RBBP6: variants seen among roughly 807,000 people sequenced by gnomAD.
The protein encoded by RBBP6 is E3 ubiquitin-protein ligase RBBP6.
In RBBP6, 25 loss-of-function variants were observed where a neutral mutation model predicts 167.7. The observed-to-expected ratio is 0.15, with a 90% confidence interval of 0.11 to 0.21. The LOEUF (loss-of-function observed/expected upper bound fraction) is 0.21. Among genes scored for constraint, RBBP6 ranks in the 10% least tolerant of loss-of-function variants. The probability of loss-of-function intolerance (pLI) is 1.00; values close to 1 mark genes in which losing one functional copy is unlikely to be tolerated. For synonymous variants in RBBP6, 789 were observed against 735.8 expected (o/e 1.07, Z -1.17); for missense variants, 1,868 against 2,134.2 (o/e 0.88, Z 2.46).
rs199826068 is a variant in RBBP6, at chr16:24,567,494, A to C, written c.1941A>C (p.Arg647=). 9 of 1,608,254 alleles carry C rather than the reference A, an allele frequency of 5.6e-6. No homozygotes were observed. The highest frequency in any genetic ancestry group is 7.7e-6 in the Non-Finnish European group (9 of 1,176,144). The part of the protein sequence containing the change: ...SREEFYREQR[R]LKEEEKKKSK... Reference sequence around the variant, plus strand: ...AAGAATTCTATAGAGAGCAGCGACGACTAAAAGAAGAGTATGTATTCTAAT... The same window carrying C: ...AAGAATTCTATAGAGAGCAGCGACGCCTAAAAGAAGAGTATGTATTCTAAT... Residue 647 remains arginine, a synonymous_variant, in exon 15 of 18, where the codon CGA becomes CGC. Transcript: ENST00000319715.
At position 24,571,328 on chromosome 16, in the gene RBBP6, A is replaced by G. The variant is rs778064304; in HGVS notation, c.4262A>G (p.Asn1421Ser). 19 of 1,614,174 alleles carry G rather than the reference A, an allele frequency of 1.2e-5. No individual in the cohort carries two copies. The highest frequency in any genetic ancestry group is 1.6e-5 in the Non-Finnish European group (19 of 1,180,022). The change falls in exon 18 of 18, where the codon AAC becomes AGC. Residue 1421 changes from asparagine to serine, a missense_variant. Physicochemically the swap from Asn to Ser is conservative, Grantham distance 46. This residue lies in a region of RBBP6 where 591 missense variants were observed against 540.5 expected (regional missense o/e 1.09). Transcript: ENST00000319715. ...AAGGAGAACCCTGAAAAGAGGAAGA[A>G]CAGCACTCAGCCAGAGAAAGAGAGT... The part of the protein sequence containing the change: ...LEKENPEKRK[N>S]STQPEKESNL...
In RBBP6 at chr16:24,572,397, G is replaced by T. The variant is rs199567078; in HGVS notation, c.5331G>T (p.Glu1777Asp). ...KKKSKKNKDK[E>D]KEKEKDDQKV... ...AGTCAAAGAAGAACAAAGATAAAGA[G>T]AAGGAGAAGGAGAAAGATGACCAAA... The change falls in exon 18 of 18, where the codon GAG becomes GAT. Residue 1777 changes from glutamate to aspartate, a missense_variant. Physicochemically the swap from Glu to Asp is conservative, Grantham distance 45 (BLOSUM62 2). Coordinates refer to ENST00000319715, the MANE Select transcript of RBBP6 (RefSeq NM_006910.5). The T allele has an allele frequency of 7.6e-7, 1 of 1,322,822 alleles. No individual in the cohort carries two copies. Among genetic ancestry groups the T allele is most frequent in the Non-Finnish European group, 1.0e-6 (1 of 956,922 alleles). 81.9% of individuals were successfully genotyped at this position (1,322,822 alleles called of 1,614,324 possible). A position where few individuals can be genotyped will look rare whatever the true frequency, so the allele number is the denominator to read the frequency against.
rs1226682314 is a variant in RBBP6 at position 24,546,057 on chromosome 16, T to C, written c.167-106T>C. ...CTAGTTGCAAGGAACTTGTAGTTATTATATTTAAAGTCATTTCCCATGAAA... is the reference window on the plus strand; with the variant it reads ...CTAGTTGCAAGGAACTTGTAGTTATCATATTTAAAGTCATTTCCCATGAAA... On this transcript the variant is annotated intron_variant, in intron 1 of 17. Coordinates refer to ENST00000319715, the MANE Select transcript of RBBP6 (RefSeq NM_006910.5). 1.2e-5 allele frequency: 17 copies of C among 1,424,364 alleles called. No homozygotes were observed. In the Admixed American group the frequency reaches 5.6e-4, roughly 47 times the overall value. The allele number at this position is 1,424,364 out of a possible 1,614,324, so 88.2% of individuals were successfully genotyped here.
chr16:24,550,374 T>G (rs1463026931), intron 3 of RBBP6, among the ~76,000 whole-genome samples: 4 of 150,678 alleles, frequency 2.7e-5, no homozygotes, highest in African/African-American at 9.7e-5. Flanking sequence ...TTTTTTTGTT[T>G]TTTTTTTTTA....
intron 3 of RBBP6, chr16:24,553,221 A>G: frequency 3.4e-6 from 1 of 296,674 alleles, no homozygotes; most frequent in South Asian, 6.6e-5. Context: ...CCATAGGGAG[A>G]TATGGGACTC....
intron 5 of RBBP6, 31 bp from the exon 6 acceptor site, chr16:24,555,790 G>A (rs775884329): frequency 6.3e-6 from 10 of 1,583,398 alleles, no homozygotes; most frequent in South Asian, 3.3e-5. Flanking sequence ...CAAAGTCCTC[G>A]TATACATGTA....
chr16:24,563,370 CTT>C (rs550471421), intron 11 of RBBP6, 51 bp from the exon 12 acceptor site: 41,785 of 1,262,488 alleles, frequency 0.033, 1 homozygote, highest in South Asian at 0.047. Context: ...GTTCTTACCT[CTT>C]TTTTTTTTTT....
rs1394906251 is a variant in RBBP6, at chr16:24,569,054, A to G, written c.2364A>G (p.Gln788=). The stretch of plus-strand genomic sequence containing the variant: ...CTCCTAATAAACGTAATGTACCTCA[A>G]GGGGAAACAGAACGTGAATATTTTA... The part of the protein sequence containing the change: ...GQSPNKRNVP[Q]GETEREYFNR... Residue 788 remains glutamine (Q), a synonymous_variant, in exon 17 of 18, where the codon CAA becomes CAG. Transcript: ENST00000319715. The G allele has an allele frequency of 6.2e-7, 1 of 1,614,064 alleles. No homozygotes were observed. The highest frequency in any genetic ancestry group is 8.5e-7 in the Non-Finnish European group (1 of 1,180,018).
In RBBP6 at chr16:24,563,240, C is replaced by T. The variant is rs759911648; in HGVS notation, c.1331C>T (p.Ser444Leu). The T allele has an allele frequency of 5.6e-6, 9 of 1,611,176 alleles. No homozygotes were observed. In the African/African-American group the frequency reaches 1.2e-4, roughly 22 times the overall value. The part of the protein sequence containing the change: ...NKILPAAALA[S>L]EHSKGTSSIA... ...ATATTGCCAGCTGCAGCTCTTGCAT[C>T]AGAGCACTCAAAGGGAACCTCCTCA... Residue 444 changes from serine to leucine, a missense_variant, in exon 11 of 18, where the codon TCA becomes TTA. Ser to Leu is a moderately radical substitution (Grantham distance 145). Around this residue, in one of 7 missense-constraint regions of RBBP6, gnomAD observed 245 missense variants for 240.1 expected, o/e 1.02. Transcript: ENST00000319715.
chr16:24,567,195 C>G lies in RBBP6; in HGVS notation c.1642C>G (p.Pro548Ala). Reference sequence around the variant, plus strand: ...CGAAAGATCACAGAGGACTCAAGGCCCGTCACTACCAGCAACTCCAGTCTT... The same window carrying G: ...CGAAAGATCACAGAGGACTCAAGGCGCGTCACTACCAGCAACTCCAGTCTT... ...HSERSQRTQG[P>A]SLPATPVFVP... The change falls in exon 15 of 18, where the codon CCG becomes GCG. Residue 548 changes from proline to alanine, a missense_variant. Coordinates refer to ENST00000319715, the MANE Select transcript of RBBP6 (RefSeq NM_006910.5). 6.2e-7 allele frequency: 1 copy of G among 1,613,906 alleles called. No homozygotes were observed. Among genetic ancestry groups the G allele is most frequent in the Non-Finnish European group, 8.5e-7 (1 of 1,179,776 alleles).
intron 17 of RBBP6, 103 bp from the exon 18 acceptor site, chr16:24,570,773 T>TA: frequency 9.5e-7 from 1 of 1,049,758 alleles, no homozygotes; most frequent in Non-Finnish European, 1.3e-6. Context: ...TTTTTAATGT[T>TA]AAAAGGACAT....
chr16:24,562,957 C>T (rs906984808), intron 10 of RBBP6, among the ~76,000 whole-genome samples: 4 of 152,126 alleles, frequency 2.6e-5, no homozygotes, highest in African/African-American at 9.6e-5. Flanking sequence ...ACTATTCTTG[C>T]AACTGATTTC....
At chr16:24,565,227 T>C (rs1190979812) in intron 14 of RBBP6, among the ~76,000 whole-genome samples, 1 of 152,132 alleles carries the variant, frequency 6.6e-6, no homozygotes, top group Admixed American at 6.6e-5. Context: ...CAAGCTCAGC[T>C]CCCAACTGTG....
chr16:24,541,952 A>G (rs1327544844), intron 1 of RBBP6, among the ~76,000 whole-genome samples: 2 of 152,210 alleles, frequency 1.3e-5, no homozygotes, highest in African/African-American at 4.8e-5. Flanking sequence ...GTAGAAGACC[A>G]GTTTTCCATT....
Position 24,569,111 on chromosome 16 carries a change from C to G in RBBP6, c.2421C>G (p.Asp807Glu), listed in dbSNP as rs1255157900. The G allele has an allele frequency of 4.3e-6, 7 of 1,613,268 alleles. No homozygotes were observed. The highest frequency in any genetic ancestry group is 5.9e-6 in the Non-Finnish European group (7 of 1,179,810). ...NRYREVPPPY[D>E]MKAYYGRSVD... ...ACAGAGAAGTTCCACCACCATATGACATGAAAGCATATTATGGGAGAAGTG... is the reference window on the plus strand; with the variant it reads ...ACAGAGAAGTTCCACCACCATATGAGATGAAAGCATATTATGGGAGAAGTG... Residue 807 changes from aspartate to glutamate, a missense_variant, in exon 17 of 18, where the codon GAC (aspartate) becomes GAG (glutamate). Around this residue, in one of 7 missense-constraint regions of RBBP6, gnomAD observed 673 missense variants for 691.5 expected, o/e 0.97. Coordinates refer to ENST00000319715, the MANE Select transcript of RBBP6 (RefSeq NM_006910.5).
At chr16:24,553,764 C>G (rs1239718556) in intron 4 of RBBP6, 5 of 344,132 alleles carry the variant, frequency 1.5e-5, no homozygotes, top group Non-Finnish European at 2.6e-5. Flanking sequence ...TATTGTTCAT[C>G]TTCAAGACAG....
At chr16:24,557,926 C>T (rs1159612822) in intron 7 of RBBP6, among the ~76,000 whole-genome samples, 1 of 152,194 alleles carries the variant, frequency 6.6e-6, no homozygotes, top group African/African-American at 2.4e-5. Context: ...TTTTCCTAAA[C>T]TCCCAACCCT....
At chr16:24,566,008 T>C (rs1400115890) in intron 14 of RBBP6, among the ~76,000 whole-genome samples, 2 of 152,166 alleles carry the variant, frequency 1.3e-5, no homozygotes, top group Non-Finnish European at 2.9e-5. Flanking sequence ...AAGGCTGCAG[T>C]GAGCTATAAC....
Position 24,569,315 on chromosome 16 carries a change from C to G in RBBP6, c.2625C>G (p.Phe875Leu). ...CACTTAACATCAGGAATTCTCCCTT[C>G]ACAAGAGGCCGCAGAGAAGACTATG... ...FLPLNIRNSP[F>L]TRGRREDYVG... Residue 875 changes from phenylalanine (F) to leucine (L), a missense_variant, in exon 17 of 18, where the codon TTC (phenylalanine) becomes TTG (leucine). This residue lies in a region of RBBP6 where 673 missense variants were observed against 691.5 expected (regional missense o/e 0.97). Transcript: ENST00000319715. 6.2e-7 allele frequency: 1 copy of G among 1,612,500 alleles called. No individual in the cohort carries two copies. The highest frequency in any genetic ancestry group is 8.5e-7 in the Non-Finnish European group (1 of 1,179,670).
Sources: gnomAD v4.1 joint callset for allele counts (sites outside exome capture counted in the v4.1 genomes callset) on GRCh38, gnomAD v4.1.1 for gene constraint, gnomAD v4.1.1 regional missense constraint, MANE v1.5 for transcripts, NCBI Gene and HGNC (gene_info 2026-07-23, HGNC 2026-07-21) for gene names.